The following PDE4B variants were observed in gnomAD, a reference collection of about 807,000 sequenced individuals.
PDE4B encodes the protein phosphodiesterase 4B.
Under a neutral mutation model 82.2 loss-of-function variants are expected in PDE4B, and 20 were observed. The observed-to-expected ratio is 0.24, with a 90% CI of 0.17 to 0.35. The LOEUF (loss-of-function observed/expected upper bound fraction) is 0.35. PDE4B is among the 10% of genes least tolerant of loss of function. The probability of loss-of-function intolerance (pLI) is 1.00; values close to 1 mark genes in which losing one functional copy is unlikely to be tolerated. For missense variants in PDE4B, 655 were observed against 907.2 expected (o/e 0.72, Z 3.57); for synonymous variants, 320 against 318.9 (o/e 1.00, Z -0.04).
intron 7 of PDE4B, among the ~76,000 whole-genome samples, chr1:66,278,285 A>C (rs1209986042): frequency 6.6e-6 from 1 of 152,218 alleles, no homozygotes; most frequent in Non-Finnish European, 1.5e-5. Context: ...GAGCCTGCTT[A>C]TGGGGCCAGA....
At chr1:66,014,471 G>A (rs886515777) in intron 3 of PDE4B, among the ~76,000 whole-genome samples, 25 of 152,124 alleles carry the variant, frequency 1.6e-4, no homozygotes, top group Non-Finnish European at 3.5e-4. Context: ...TTTGCATATC[G>A]TGTAAGATTA....
intron 3 of PDE4B, among the ~76,000 whole-genome samples, chr1:66,020,784 A>C (rs992882431): frequency 6.6e-6 from 1 of 152,220 alleles, no homozygotes; most frequent in Non-Finnish European, 1.5e-5. Flanking sequence ...ATAAGTGTGC[A>C]TGTGTCTTTA....
intron 3 of PDE4B, among the ~76,000 whole-genome samples, chr1:66,075,796 C>G (rs181030674): frequency 3.7e-4 from 56 of 152,076 alleles, no homozygotes; most frequent in Non-Finnish European, 5.4e-4. Flanking sequence ...CAGAAATGTT[C>G]TTTCCAATTT....
intron 3 of PDE4B, among the ~76,000 whole-genome samples, chr1:66,020,392 G>A (rs1653027398): frequency 6.6e-6 from 1 of 151,972 alleles, no homozygotes; most frequent in Admixed American, 6.6e-5. Context: ...GTATACATGT[G>A]CCATGTTGGT....
intron 3 of PDE4B, among the ~76,000 whole-genome samples, chr1:65,970,287 T>A (rs1650061571): frequency 6.6e-6 from 1 of 152,136 alleles, no homozygotes; most frequent in East Asian, 1.9e-4. Flanking sequence ...CATATGAAAC[T>A]GACAATACAA....
intron 1 of PDE4B, among the ~76,000 whole-genome samples, chr1:65,815,804 G>A (rs1645876381): frequency 6.6e-6 from 1 of 152,058 alleles, no homozygotes; most frequent in African/African-American, 2.4e-5. Context: ...AAGAATATTG[G>A]ACAAAGTATA....
At chr1:66,041,056 G>A (rs553760377) in intron 3 of PDE4B, among the ~76,000 whole-genome samples, 8 of 151,976 alleles carry the variant, frequency 5.3e-5, no homozygotes, top group African/African-American at 1.9e-4. Context: ...CAAATGATTT[G>A]TTGTTGAACA....
At chr1:65,879,076 G>T (rs1646681342) in intron 1 of PDE4B, among the ~76,000 whole-genome samples, 1 of 152,004 alleles carries the variant, frequency 6.6e-6, no homozygotes, top group Non-Finnish European at 1.5e-5. Context: ...ACACAGAAAG[G>T]TCACACCCTG....
At chr1:65,979,036 T>G (rs1450652312) in intron 3 of PDE4B, among the ~76,000 whole-genome samples, 3 of 152,228 alleles carry the variant, frequency 2.0e-5, no homozygotes, top group Non-Finnish European at 4.4e-5. Context: ...CATCTTCATC[T>G]TTCTTCAATA....
intron 3 of PDE4B, among the ~76,000 whole-genome samples, chr1:65,980,751 AAGG>A (rs1390777703): frequency 6.6e-6 from 1 of 152,188 alleles, no homozygotes; most frequent in Non-Finnish European, 1.5e-5. Flanking sequence ...CACAGATAGA[AAGG>A]AGGACTTCAA....
At position 66,257,808 on chromosome 1, in the gene PDE4B, C is replaced by T. The variant is rs1654360883; in HGVS notation, c.529C>T (p.Arg177Ter). ...TTTCTTCTAGGTCCTTGCCAGCTTG[C>T]GAAGTGTGAGAAACAACTTCACTAT... is the stretch of plus-strand genomic sequence containing the variant. ...TPFAQVLASL[R>*]SVRNNFTILT... The change falls in exon 6 of 17, where the codon CGA (arginine) becomes TGA (stop). Residue 177 changes from arginine to a stop codon, truncating the protein, a stop_gained. Transcript: ENST00000341517. LOFTEE classifies it high-confidence loss of function. The T allele has an allele frequency of 1.9e-6, 3 of 1,612,596 alleles. No homozygotes were observed. Among genetic ancestry groups the T allele is most frequent in the African/African-American group, 2.7e-5 (2 of 74,828 alleles).
chr1:66,000,167 T>G (rs2489911), intron 3 of PDE4B, among the ~76,000 whole-genome samples: 149,072 of 152,266 alleles, frequency 0.98, 73,047 homozygotes, highest in Middle Eastern at 1. Context: ...TTTTCTTCAT[T>G]CATCAAGTAG....
At chr1:65,849,510 C>T (rs956673053) in intron 1 of PDE4B, among the ~76,000 whole-genome samples, 6 of 152,152 alleles carry the variant, frequency 3.9e-5, no homozygotes, top group Non-Finnish European at 5.9e-5. Flanking sequence ...CGGCCAGTGA[C>T]TTTTCTCTCT....
rs892560019 is a variant in PDE4B, at chr1:66,177,730, C to T, written c.282-69730C>T. On this transcript the variant is annotated intron_variant, in intron 3 of 16. Transcript: ENST00000341517. The stretch of plus-strand genomic sequence containing the variant: ...GCAGACTCTGTGACATTTTAGGAAC[C>T]TTAGTTCAAGGATATTTACTGTTAG... 7.2e-5 allele frequency among the ~76,000 whole-genome samples: 11 copies of T among 152,216 alleles called. No homozygotes were observed. The South Asian group carries it at 2.1e-3, about 29-fold the overall frequency.
intron 3 of PDE4B, among the ~76,000 whole-genome samples, chr1:66,168,391 T>G (rs1570386626): frequency 6.6e-6 from 1 of 151,926 alleles, no homozygotes; most frequent in Non-Finnish European, 1.5e-5. Context: ...GGTAGGGTGG[T>G]CAGACAAGAC....
chr1:66,124,964 C>G (rs1269620653), intron 3 of PDE4B, among the ~76,000 whole-genome samples: 3 of 151,006 alleles, frequency 2.0e-5, no homozygotes, highest in Non-Finnish European at 2.9e-5. Context: ...GAATGGCAGC[C>G]TGTCCAGGGC....
chr1:65,902,310 C>G (rs1303708763), intron 1 of PDE4B, among the ~76,000 whole-genome samples: 1 of 151,916 alleles, frequency 6.6e-6, no homozygotes, highest in African/African-American at 2.4e-5. Context: ...AATTGTTTTG[C>G]CAATAGAAAT....
intron 3 of PDE4B, among the ~76,000 whole-genome samples, chr1:66,208,041 C>G (rs1649702577): frequency 6.6e-6 from 1 of 152,158 alleles, no homozygotes; most frequent in Non-Finnish European, 1.5e-5. Flanking sequence ...AGGGAAACCT[C>G]TTATTTTCAC....
At chr1:66,003,193 A>G (rs1000245942) in intron 3 of PDE4B, among the ~76,000 whole-genome samples, 1 of 152,142 alleles carries the variant, frequency 6.6e-6, no homozygotes, top group Non-Finnish European at 1.5e-5. Flanking sequence ...ATACTAAGAA[A>G]CAAAGTATCA....
Sources: gnomAD v4.1 joint callset for allele counts (sites outside exome capture counted in the v4.1 genomes callset) on GRCh38, gnomAD v4.1.1 for gene constraint, MANE v1.5 for transcripts, NCBI Gene and HGNC (gene_info 2026-07-23, HGNC 2026-07-21) for gene names.